The following GNL3L variants were observed in gnomAD, a reference collection of about 807,000 sequenced individuals.
The protein encoded by GNL3L is G protein nucleolar 3 like, also known as guanine nucleotide-binding protein-like 3-like protein.
Under a neutral mutation model 42.9 loss-of-function variants are expected in GNL3L, and 4 were observed. The ratio of observed to expected loss-of-function variants is 0.09; its 90% CI spans 0.05 to 0.21. GNL3L has a LOEUF of 0.21. GNL3L is among the 10% of genes least tolerant of loss of function. The pLI is 1.00. For missense variants in GNL3L, 412 were observed against 481.7 expected (o/e 0.86, Z 1.36); for synonymous variants, 159 against 176.3 (o/e 0.90, Z 0.78).
At chrX:54,560,381 C>T in intron 15 of GNL3L, 139 bp from the exon 16 acceptor site, 1 of 458,045 alleles carries the variant, frequency 2.2e-6, no homozygotes, top group Non-Finnish European at 3.9e-6. Context: ...CAGCACTCAC[C>T]AGTTTTGTGG....
intron 16 of GNL3L, among the ~76,000 whole-genome samples, chrX:54,575,835 G>A (rs972312374): frequency 2.7e-5 from 3 of 112,159 alleles, no homozygotes; most frequent in Admixed American, 9.4e-5. Flanking sequence ...GCTTGAACCC[G>A]GGAGTCGGAG....
intron 9 of GNL3L, among the ~76,000 whole-genome samples, chrX:54,548,955 G>A (rs1924851788): frequency 9.0e-6 from 1 of 111,135 alleles, no homozygotes; most frequent in Non-Finnish European, 1.9e-5. Flanking sequence ...AGGATTGGTG[G>A]GGAATGGAAA....
At chrX:54,556,537 C>T (rs1925102213) in intron 14 of GNL3L, among the ~76,000 whole-genome samples, 1 of 110,975 alleles carries the variant, frequency 9.0e-6, no homozygotes, top group African/African-American at 3.3e-5. Flanking sequence ...CTGAGGAGTT[C>T]TCTGGGCAAG....
chrX:54,591,707 G>T (rs1314591907), intron 16 of GNL3L, among the ~76,000 whole-genome samples: 1 of 111,121 alleles, frequency 9.0e-6, no homozygotes, highest in Non-Finnish European at 1.9e-5. Flanking sequence ...TGCTGTTTTG[G>T]TTACTAAAGC....
chrX:54,535,813 A>G (rs1215537770), intron 2 of GNL3L, among the ~76,000 whole-genome samples: 2 of 111,243 alleles, frequency 1.8e-5, no homozygotes, highest in South Asian at 3.7e-4. Context: ...CGGCCAGGCT[A>G]GAGTGCAGGT....
chrX:54,591,758 A>G (rs892937405), intron 16 of GNL3L, among the ~76,000 whole-genome samples: 1 of 110,765 alleles, frequency 9.0e-6, no homozygotes, highest in Admixed American at 9.7e-5. Flanking sequence ...GATTCCTTCA[A>G]TTTTGTGTTT....
the GNL3L span, among the ~76,000 whole-genome samples, chrX:54,635,135 A>G: frequency 9.0e-6 from 1 of 110,971 alleles, no homozygotes; most frequent in African/African-American, 3.3e-5. Flanking sequence ...CGATTATCCT[A>G]TCCTTAAGTT....
intron 14 of GNL3L, among the ~76,000 whole-genome samples, chrX:54,555,162 G>A (rs1028144513): frequency 7.3e-5 from 8 of 109,578 alleles, no homozygotes; most frequent in African/African-American, 2.3e-4. Context: ...ACAGGCATGC[G>A]CCACGACACC....
At chrX:54,572,173 C>G (rs1185078031), downstream of GNL3L, among the ~76,000 whole-genome samples, 1 of 107,983 alleles carries the variant, frequency 9.3e-6, no homozygotes. Flanking sequence ...TGTTTGTGTC[C>G]CTGGGTACTT....
intron 16 of GNL3L, among the ~76,000 whole-genome samples, chrX:54,586,491 G>C (rs1365556315): frequency 8.9e-6 from 1 of 111,980 alleles, no homozygotes; most frequent in Non-Finnish European, 1.9e-5. Flanking sequence ...CCACTGCAGA[G>C]GGGTGCCTGT....
chrX:54,551,094 A>G (rs775136684), intron 10 of GNL3L, 44 bp downstream of exon 10: 24 of 693,348 alleles, frequency 3.5e-5, no homozygotes, highest in African/African-American at 6.3e-5. Context: ...CCTTGACCCT[A>G]CCATTTCCCC....
chrX:54,573,593 C>T (rs1925591246), intron 16 of GNL3L, among the ~76,000 whole-genome samples: 1 of 111,097 alleles, frequency 9.0e-6, no homozygotes, highest in Non-Finnish European at 1.9e-5. Flanking sequence ...TTTATGCCTT[C>T]AAGTTCACAA....
intron 16 of GNL3L, among the ~76,000 whole-genome samples, chrX:54,598,450 C>T (rs1338844896): frequency 9.0e-6 from 1 of 111,713 alleles, no homozygotes; most frequent in South Asian, 3.7e-4. Flanking sequence ...GCTTGTATAA[C>T]TTGATACCAT....
At chrX:54,598,512 AG>A (rs1602004962) in intron 16 of GNL3L, among the ~76,000 whole-genome samples, 1 of 112,285 alleles carries the variant, frequency 8.9e-6, no homozygotes, top group African/African-American at 3.2e-5. Flanking sequence ...AGCAAGCAAA[AG>A]CAGTCTCAAA....
chrX:54,592,495 A>G (rs1183782005), intron 16 of GNL3L, among the ~76,000 whole-genome samples: 7 of 111,568 alleles, frequency 6.3e-5, no homozygotes, highest in Admixed American at 5.7e-4. Context: ...TCTATACCCA[A>G]TTTTGTAGAG....
chrX:54,611,716 T>G (rs892068993), intron 16 of GNL3L, among the ~76,000 whole-genome samples: 4 of 111,845 alleles, frequency 3.6e-5, no homozygotes, highest in African/African-American at 1.3e-4. Context: ...AGAGAGTGCT[T>G]GATATAATTC....
At chrX:54,548,973 CAG>C (rs1478127969) in intron 9 of GNL3L, among the ~76,000 whole-genome samples, 1 of 110,571 alleles carries the variant, frequency 9.0e-6, no homozygotes, top group African/African-American at 3.3e-5. Context: ...AAAGAGGAGA[CAG>C]ATTTACATGA....
chrX:54,586,662 G>A (rs5960319), intron 16 of GNL3L, among the ~76,000 whole-genome samples: 8,386 of 112,272 alleles, frequency 0.075, 350 homozygotes, highest in Middle Eastern at 0.17. Context: ...CCACAGTGCA[G>A]CTGCTGCTGC....
intron 14 of GNL3L, among the ~76,000 whole-genome samples, chrX:54,556,622 C>T (rs1451725975): frequency 4.5e-5 from 5 of 110,627 alleles, no homozygotes; most frequent in Non-Finnish European, 9.5e-5. Flanking sequence ...CTAAGTGATC[C>T]GCCCTCCTTG....
Sources: gnomAD v4.1 joint callset for allele counts (sites outside exome capture counted in the v4.1 genomes callset) on GRCh38, gnomAD v4.1.1 for gene constraint, MANE v1.5 for transcripts, NCBI Gene and HGNC (gene_info 2026-07-23, HGNC 2026-07-21) for gene names.